The following OPCML variants were observed in gnomAD, a reference collection of about 807,000 sequenced individuals.
The protein encoded by OPCML is opioid binding protein/cell adhesion molecule like.
OPCML carries 13 observed loss-of-function variants against 37.8 expected under a neutral mutation model. That is an observed-to-expected ratio of 0.34 (90% CI 0.22 to 0.55). The LOEUF is 0.55. OPCML is among the 20% of genes least tolerant of loss of function. The pLI is 0.91. For synonymous variants in OPCML, 176 were observed against 168.8 expected (o/e 1.04, Z -0.33); for missense variants, 341 against 435.6 (o/e 0.78, Z 1.93).
intron 1 of OPCML, among the ~76,000 whole-genome samples, chr11:133,510,127 G>A (rs986162195): frequency 6.6e-6 from 1 of 152,188 alleles, no homozygotes; most frequent in Non-Finnish European, 1.5e-5. Context: ...GGTAGGGAGT[G>A]CACTTCCTGA....
At chr11:133,116,440 T>G (rs1949334344) in intron 1 of OPCML, among the ~76,000 whole-genome samples, 1 of 152,220 alleles carries the variant, frequency 6.6e-6, no homozygotes, top group Non-Finnish European at 1.5e-5. Flanking sequence ...TGCAATTGAC[T>G]GTCAGGTATC....
intron 1 of OPCML, among the ~76,000 whole-genome samples, chr11:133,373,462 CAA>C (rs1419580848): frequency 1.6e-5 from 2 of 122,090 alleles, no homozygotes; most frequent in African/African-American, 6.3e-5. Context: ...CACACACACA[CAA>C]AAATACAAAA....
chr11:133,046,444 C>T (rs901410140), intron 1 of OPCML, among the ~76,000 whole-genome samples: 1 of 152,162 alleles, frequency 6.6e-6, no homozygotes, highest in Non-Finnish European at 1.5e-5. Flanking sequence ...TCCATTCTTA[C>T]AGTCTGTTCT....
chr11:133,047,736 C>T (rs1484482556), intron 1 of OPCML, among the ~76,000 whole-genome samples: 1 of 152,184 alleles, frequency 6.6e-6, no homozygotes, highest in African/African-American at 2.4e-5. Flanking sequence ...GATTACAGCT[C>T]AGAAGCAGAC....
chr11:133,178,627 C>T (rs1233326126), intron 1 of OPCML, among the ~76,000 whole-genome samples: 1 of 152,024 alleles, frequency 6.6e-6, no homozygotes, highest in East Asian at 1.9e-4. Context: ...CTATGTGGGA[C>T]AGTTTCACAA....
rs142353055 is a variant in OPCML at position 132,706,199 on chromosome 11, C to T, written c.147-48880G>A. On this transcript the variant is annotated intron_variant, in intron 2 of 7. Transcript: ENST00000524381. ...GATACTTGGCTAGAGTCAATCACTA[C>T]GATGCCTATCCAGACTCCAAGTGCT... Among the ~76,000 whole-genome samples, 12 of 152,270 alleles carry T rather than the reference C, an allele frequency of 7.9e-5. No homozygotes were observed. In the East Asian group the frequency reaches 1.2e-3, roughly 15 times the overall value.
intron 1 of OPCML, among the ~76,000 whole-genome samples, chr11:133,382,669 A>G (rs1362492613): frequency 6.6e-6 from 1 of 152,130 alleles, no homozygotes; most frequent in African/African-American, 2.4e-5. Context: ...ATGTCTTTCA[A>G]CCTTTAATCC....
chr11:133,059,684 C>T (rs1217161259), intron 1 of OPCML, among the ~76,000 whole-genome samples: 1 of 152,232 alleles, frequency 6.6e-6, no homozygotes, highest in African/African-American at 2.4e-5. Flanking sequence ...TGCTGCACAA[C>T]CAAGTAGTAT....
intron 4 of OPCML, among the ~76,000 whole-genome samples, chr11:132,490,594 G>A (rs750294280): frequency 1.6e-4 from 25 of 151,920 alleles, no homozygotes; most frequent in Non-Finnish European, 2.9e-4. Flanking sequence ...CGAGGCGGGC[G>A]GATCGTGAGG....
chr11:133,081,294 C>A lies in OPCML; in HGVS notation c.62-138284G>T, dbSNP rs541221544. 1.6e-4 allele frequency among the ~76,000 whole-genome samples: 25 copies of A among 152,214 alleles called. 1 individual carries two copies. The highest frequency in any genetic ancestry group is 1.2e-3 in the Admixed American group (19 of 15,292). ...TTTGGGATGTCAGCCCCGTTGGTAC[C>A]ACCTAGCAGACATCTCTGAGGATGC... On this transcript the variant is annotated intron_variant, in intron 1 of 7. Transcript: ENST00000524381.
chr11:132,482,416 T>C (rs1263455427), intron 4 of OPCML, among the ~76,000 whole-genome samples: 13 of 151,142 alleles, frequency 8.6e-5, no homozygotes, highest in African/African-American at 1.2e-4. Flanking sequence ...TCTGAAATTG[T>C]GGCAATAATC....
chr11:132,879,410 A>T (rs1943142316), intron 2 of OPCML, among the ~76,000 whole-genome samples: 3 of 152,206 alleles, frequency 2.0e-5, no homozygotes, highest in Non-Finnish European at 4.4e-5. Context: ...GTAGTCAAAG[A>T]GTTATGAAAG....
At chr11:133,254,094 G>T (rs918210636) in intron 1 of OPCML, among the ~76,000 whole-genome samples, 4 of 152,116 alleles carry the variant, frequency 2.6e-5, no homozygotes, top group African/African-American at 9.7e-5. Context: ...GCAAATGTTA[G>T]AATCAGGGTA....
chr11:133,302,278 A>C (rs1942799490), intron 1 of OPCML: 2 of 152,174 alleles, frequency 1.3e-5, no homozygotes, highest in Admixed American at 6.5e-5. Context: ...TTCTCATGAT[A>C]GTGAGTTCTC....
chr11:133,352,960 G>A (rs1420830866), intron 1 of OPCML, among the ~76,000 whole-genome samples: 1 of 152,176 alleles, frequency 6.6e-6, no homozygotes, highest in Non-Finnish European at 1.5e-5. Flanking sequence ...TGGAGATAAT[G>A]ATACATTAAA....
intron 4 of OPCML, among the ~76,000 whole-genome samples, chr11:132,525,579 T>C (rs1340415366): frequency 6.6e-6 from 1 of 152,234 alleles, no homozygotes; most frequent in Non-Finnish European, 1.5e-5. Flanking sequence ...AATGTACTTC[T>C]AATCTTTTAG....
intron 2 of OPCML, among the ~76,000 whole-genome samples, chr11:132,706,346 C>T (rs1013120787): frequency 6.6e-6 from 1 of 152,160 alleles, no homozygotes; most frequent in Non-Finnish European, 1.5e-5. Flanking sequence ...GAAGAAGTTA[C>T]TTTCTGCCAC....
intron 2 of OPCML, among the ~76,000 whole-genome samples, chr11:132,908,545 G>T (rs1446332218): frequency 6.6e-6 from 1 of 152,148 alleles, no homozygotes; most frequent in Non-Finnish European, 1.5e-5. Flanking sequence ...TAGCCTTCTA[G>T]ATACTTCCAC....
intron 1 of OPCML, among the ~76,000 whole-genome samples, chr11:133,483,500 A>T (rs1317344652): frequency 6.6e-6 from 1 of 152,064 alleles, no homozygotes; most frequent in African/African-American, 2.4e-5. Flanking sequence ...ATGGATAGAT[A>T]GATGATAAAC....
Sources: gnomAD v4.1 joint callset for allele counts (sites outside exome capture counted in the v4.1 genomes callset) on GRCh38, gnomAD v4.1.1 for gene constraint, MANE v1.5 for transcripts, NCBI Gene and HGNC (gene_info 2026-07-23, HGNC 2026-07-21) for gene names.